The following SUGCT variants were observed in gnomAD, a reference collection of about 807,000 sequenced individuals.
The protein encoded by SUGCT is succinyl-CoA:glutarate CoA-transferase.
SUGCT carries 41 observed loss-of-function variants against 55.0 expected under a neutral mutation model. That is an observed-to-expected ratio of 0.74 (90% confidence interval 0.58 to 0.97). SUGCT has a LOEUF of 0.97. Among genes scored for constraint, SUGCT ranks in the 50% least tolerant of loss-of-function variants. The pLI, the probability that SUGCT is intolerant of heterozygous loss-of-function variation, is 0.00. For missense variants in SUGCT, 568 were observed against 547.8 expected (o/e 1.04, Z -0.37); for synonymous variants, 187 against 200.4 (o/e 0.93, Z 0.56).
chr7:40,898,621 AGCTGAG>A, the SUGCT span, among the ~76,000 whole-genome samples: 2 of 151,896 alleles, frequency 1.3e-5, no homozygotes, highest in Non-Finnish European at 2.9e-5. Context: ...CTACGGGGGA[AGCTGAG>A]GTAGGAGAAT....
chr7:41,032,471 C>A, the SUGCT span, among the ~76,000 whole-genome samples: 1 of 151,978 alleles, frequency 6.6e-6, no homozygotes, highest in Admixed American at 6.6e-5. Context: ...TGTTGCCTGT[C>A]TTCCTCTTTT....
the SUGCT span, among the ~76,000 whole-genome samples, chr7:40,954,282 T>C: frequency 2.0e-5 from 3 of 152,138 alleles, no homozygotes; most frequent in African/African-American, 7.2e-5. Context: ...TGGTGTGCCG[T>C]TTGTGAAGAC....
chr7:40,924,576 A>G, the SUGCT span, among the ~76,000 whole-genome samples: 2 of 152,112 alleles, frequency 1.3e-5, no homozygotes, highest in Non-Finnish European at 2.9e-5. Flanking sequence ...ATTAGACCCT[A>G]CAGGAAGATG....
At chr7:40,790,281 G>T (rs1790245608) in intron 13 of SUGCT, among the ~76,000 whole-genome samples, 2 of 152,104 alleles carry the variant, frequency 1.3e-5, no homozygotes, top group African/African-American at 4.8e-5. Flanking sequence ...CCCCCATTTT[G>T]CTTGGCACTT....
chr7:40,770,543 G>A (rs1445784229), intron 13 of SUGCT, among the ~76,000 whole-genome samples: 1 of 152,068 alleles, frequency 6.6e-6, no homozygotes, highest in African/African-American at 2.4e-5. Context: ...CAACTATTTC[G>A]GGAGAAGGTT....
chr7:40,963,935 A>G, the SUGCT span, among the ~76,000 whole-genome samples: 1 of 152,234 alleles, frequency 6.6e-6, no homozygotes, highest in Non-Finnish European at 1.5e-5. Context: ...TAAGACCATC[A>G]TCAGAAGGGA....
the SUGCT span, among the ~76,000 whole-genome samples, chr7:41,020,883 C>T: frequency 1.3e-5 from 2 of 152,280 alleles, no homozygotes; most frequent in South Asian, 2.1e-4. Flanking sequence ...CAGAGCAGAG[C>T]GAATGTAGCA....
At chr7:40,317,817 C>T (rs1439547649) in intron 9 of SUGCT, among the ~76,000 whole-genome samples, 1 of 152,136 alleles carries the variant, frequency 6.6e-6, no homozygotes, top group Non-Finnish European at 1.5e-5. Context: ...AGCACTGACC[C>T]AATATGAACC....
At chr7:40,724,420 C>CAG (rs35323875) in intron 12 of SUGCT, among the ~76,000 whole-genome samples, 58,568 of 151,788 alleles carry the variant, frequency 0.39, 14,734 homozygotes, top group African/African-American at 0.72. Context: ...AAAAAATTAA[C>CAG]GGCGTGGCAG....
At chr7:40,657,683 C>T (rs901188977) in intron 12 of SUGCT, among the ~76,000 whole-genome samples, 8 of 152,094 alleles carry the variant, frequency 5.3e-5, no homozygotes, top group East Asian at 3.9e-4. Flanking sequence ...TACAGGCACC[C>T]GCCACTAGGC....
intron 11 of SUGCT, among the ~76,000 whole-genome samples, chr7:40,482,525 C>T (rs1224395021): frequency 6.6e-6 from 1 of 152,056 alleles, no homozygotes; most frequent in Non-Finnish European, 1.5e-5. Flanking sequence ...TTTGGTATTA[C>T]TTTACCAGTA....
At chr7:40,232,247 C>T (rs1788765428) in intron 6 of SUGCT, among the ~76,000 whole-genome samples, 1 of 152,118 alleles carries the variant, frequency 6.6e-6, no homozygotes, top group African/African-American at 2.4e-5. Context: ...AAGCCTCATC[C>T]TGAGTCTCTT....
the SUGCT span, among the ~76,000 whole-genome samples, chr7:40,899,043 T>C: frequency 6.6e-6 from 1 of 152,128 alleles, no homozygotes; most frequent in African/African-American, 2.4e-5. Flanking sequence ...CTTCCCCAAC[T>C]GTGGCCTCCA....
intron 9 of SUGCT, among the ~76,000 whole-genome samples, chr7:40,400,032 A>G (rs1231784460): frequency 1.3e-5 from 2 of 152,162 alleles, no homozygotes; most frequent in Non-Finnish European, 2.9e-5. Context: ...CTGGTGACAG[A>G]GCAAGACTCC....
intron 10 of SUGCT, 58 bp from the exon 11 acceptor site, chr7:40,459,043 A>C: frequency 9.1e-7 from 1 of 1,104,392 alleles, no homozygotes. Flanking sequence ...ACTAGCACCC[A>C]CAGGCAGGTA....
At chr7:40,251,488 C>A (rs1254748189) in intron 7 of SUGCT, among the ~76,000 whole-genome samples, 1 of 152,118 alleles carries the variant, frequency 6.6e-6, no homozygotes, top group Non-Finnish European at 1.5e-5. Flanking sequence ...CCAAGCCTTG[C>A]GGGGCTGAGT....
rs528604189 is a variant in SUGCT at position 40,238,961 on chromosome 7, C to T, written c.576+1235C>T. 2.0e-5 allele frequency among the ~76,000 whole-genome samples: 3 copies of T among 152,168 alleles called. No homozygotes were observed. The East Asian group carries it at 5.8e-4, about 29-fold the overall frequency. ...TCAGCCTCCCGAGTAGCTGAGATTA[C>T]AGGTGCCAGCTACCATGACCAGCTA... On this transcript the variant is annotated intron_variant, in intron 7 of 13. Transcript: ENST00000335693.
At chr7:40,818,140 A>G (rs1371777841) in intron 13 of SUGCT, among the ~76,000 whole-genome samples, 2 of 152,238 alleles carry the variant, frequency 1.3e-5, no homozygotes. Context: ...CTCAGGATAT[A>G]ACGCAACTCT....
At chr7:40,408,060 G>C (rs576486540) in intron 9 of SUGCT, among the ~76,000 whole-genome samples, 1 of 152,188 alleles carries the variant, frequency 6.6e-6, no homozygotes, top group African/African-American at 2.4e-5. Flanking sequence ...AAAAAATTTG[G>C]AAGGCAAATT....
Sources: gnomAD v4.1 joint callset for allele counts (sites outside exome capture counted in the v4.1 genomes callset) on GRCh38, gnomAD v4.1.1 for gene constraint, MANE v1.5 for transcripts, NCBI Gene and HGNC (gene_info 2026-07-23, HGNC 2026-07-21) for gene names.